Variants in PTPRN2 observed in about 807,000 individuals in gnomAD.
PTPRN2 encodes receptor-type tyrosine-protein phosphatase N2.
In PTPRN2, 74 loss-of-function variants were observed where a neutral mutation model predicts 118.8. That is an observed-to-expected ratio of 0.62 (90% CI 0.52 to 0.76). The LOEUF (loss-of-function observed/expected upper bound fraction) is 0.76. Among genes scored for constraint, PTPRN2 ranks in the 30% least tolerant of loss-of-function variants. PTPRN2 has a pLI of 0.00. For synonymous variants in PTPRN2, 641 were observed against 608.0 expected, an observed-to-expected ratio of 1.05 and a Z score of -0.80; for missense variants, 1,481 against 1,394.4, an observed-to-expected ratio of 1.06 and a Z score of -0.99.
intron 2 of PTPRN2, among the ~76,000 whole-genome samples, chr7:158,445,691 G>C (rs529455721): frequency 3.0e-4 from 45 of 152,368 alleles, no homozygotes; most frequent in African/African-American, 1.0e-3. Context: ...GCTTCCTGCC[G>C]CATCTTGGGG....
chr7:158,184,073 CT>C (rs1209065048), intron 5 of PTPRN2, among the ~76,000 whole-genome samples: 1 of 22,476 alleles, frequency 4.4e-5, no homozygotes, highest in African/African-American at 8.1e-5. Context: ...TGTGGCTTGT[CT>C]TTTCAATCTT....
Position 157,780,795 on chromosome 7 carries a change from A to G in PTPRN2, c.1789-97858T>C, listed in dbSNP as rs923162369. 6.6e-6 allele frequency among the ~76,000 whole-genome samples: 1 copy of G among 152,142 alleles called. No homozygotes were observed. Among genetic ancestry groups the G allele is most frequent in the Non-Finnish European group, 1.5e-5 (1 of 68,018 alleles). On this transcript the variant is annotated intron_variant, in intron 12 of 22. Transcript: ENST00000389418. The surrounding 1 kb of genome is among the most constrained non-coding windows in gnomAD (Gnocchi z 4.5). Reference sequence around the variant, plus strand: ...CGGGCCAAGGTGGACGAGCTCTCCAAACTCGCTTTCTCTGCCTCATCCGTG... The same window carrying G: ...CGGGCCAAGGTGGACGAGCTCTCCAGACTCGCTTTCTCTGCCTCATCCGTG...
At chr7:158,433,354 C>A (rs1816360231) in intron 2 of PTPRN2, among the ~76,000 whole-genome samples, 1 of 152,160 alleles carries the variant, frequency 6.6e-6, no homozygotes, top group South Asian at 2.1e-4. Context: ...ATTCAGCTTC[C>A]ACAGATACGA....
At position 157,676,118 on chromosome 7, in the gene PTPRN2, C is replaced by T. The variant is rs1014108058; in HGVS notation, c.2001+6607G>A. Among the ~76,000 whole-genome samples, 1 of 152,036 alleles carries T rather than the reference C, an allele frequency of 6.6e-6. No homozygotes were observed. The highest frequency in any genetic ancestry group is 2.4e-5 in the African/African-American group (1 of 41,378). On this transcript the variant is annotated intron_variant, in intron 13 of 22. Transcript: ENST00000389418. The surrounding 1 kb of genome is among the most constrained non-coding windows in gnomAD (Gnocchi z 5.6). Reference sequence around the variant, plus strand: ...ACTCAAAGAGCTGACCTCTCTGGGCCGGCACACAACTTGCAGCCGAGTCCT... The same window carrying T: ...ACTCAAAGAGCTGACCTCTCTGGGCTGGCACACAACTTGCAGCCGAGTCCT...
intron 15 of PTPRN2, among the ~76,000 whole-genome samples, chr7:157,613,228 G>A (rs1563262211): frequency 6.6e-6 from 1 of 152,266 alleles, no homozygotes; most frequent in Non-Finnish European, 1.5e-5. Context: ...CGTTTTCTGG[G>A]CTAAGCAGCG....
At chr7:157,957,342 TG>T (rs564884903) in intron 11 of PTPRN2, among the ~76,000 whole-genome samples, 3 of 152,048 alleles carry the variant, frequency 2.0e-5, no homozygotes, top group African/African-American at 7.2e-5. Context: ...TATTAATCCC[TG>T]GGGGGGTGAA....
chr7:158,521,183 AT>A (rs921020229), intron 1 of PTPRN2, among the ~76,000 whole-genome samples: 30 of 152,144 alleles, frequency 2.0e-4, no homozygotes, highest in African/African-American at 6.5e-4. Flanking sequence ...GTTATTTTAT[AT>A]TTTTTTCCCC....
chr7:157,952,434 GA>G (rs1800889105), intron 11 of PTPRN2, among the ~76,000 whole-genome samples: 1 of 108,442 alleles, frequency 9.2e-6, no homozygotes, highest in Non-Finnish European at 2.3e-5. Flanking sequence ...GGAGACAGGC[GA>G]GGGTGGGTAG....
chr7:158,543,298 G>A (rs1826098161), intron 1 of PTPRN2, among the ~76,000 whole-genome samples: 1 of 152,148 alleles, frequency 6.6e-6, no homozygotes, highest in Non-Finnish European at 1.5e-5. Flanking sequence ...AAGGTGGGTG[G>A]GAAGAAGGAA....
At chr7:157,552,190 G>A (rs549349933) in intron 21 of PTPRN2, among the ~76,000 whole-genome samples, 168 of 152,252 alleles carry the variant, frequency 1.1e-3, no homozygotes, top group African/African-American at 3.9e-3. Flanking sequence ...TGCTTGATTG[G>A]CTCTTTAGAA....
At chr7:158,447,378 C>A (rs1396556083) in intron 2 of PTPRN2, among the ~76,000 whole-genome samples, 1 of 151,752 alleles carries the variant, frequency 6.6e-6, no homozygotes, top group African/African-American at 2.4e-5. Flanking sequence ...TTCTTTGGCA[C>A]CAAAAAAAAA....
chr7:157,939,336 G>T (rs957739876), intron 11 of PTPRN2, among the ~76,000 whole-genome samples: 2 of 152,254 alleles, frequency 1.3e-5, no homozygotes, highest in African/African-American at 4.8e-5. Flanking sequence ...GGCCACAGGG[G>T]CTGGTGGCTG....
chr7:158,392,236 G>C (rs1039466773), intron 2 of PTPRN2, among the ~76,000 whole-genome samples: 1 of 152,054 alleles, frequency 6.6e-6, no homozygotes, highest in Non-Finnish European at 1.5e-5. Flanking sequence ...CAAACTCCCC[G>C]AGGAGGAGAG....
chr7:157,940,037 C>T (rs912843987), intron 11 of PTPRN2, among the ~76,000 whole-genome samples: 9 of 152,216 alleles, frequency 5.9e-5, no homozygotes, highest in South Asian at 4.2e-4. Flanking sequence ...TGGAGGAAGG[C>T]GTCGCTGCAT....
Position 157,766,773 on chromosome 7 carries a change from G to T in PTPRN2, c.1789-83836C>A, listed in dbSNP as rs377759181. Among the ~76,000 whole-genome samples the T allele has an allele frequency of 5.0e-4, 76 of 152,348 alleles. 1 individual carries two copies. The South Asian group carries it at 0.015, about 31-fold the overall frequency. On this transcript the variant is annotated intron_variant, in intron 12 of 22. Transcript: ENST00000389418. Reference sequence around the variant, plus strand: ...AGGACAGGACATTGAAATCTCAGAGGCTGGGTGAGACACAGGGCCACTTTG... The same window carrying T: ...AGGACAGGACATTGAAATCTCAGAGTCTGGGTGAGACACAGGGCCACTTTG...
At chr7:157,940,994 TCTCCCCCGTGACACTGCAAATCTAACACC>T in intron 11 of PTPRN2, among the ~76,000 whole-genome samples, 2 of 12,032 alleles carry the variant, frequency 1.7e-4, no homozygotes, top group South Asian at 5.6e-3. Flanking sequence ...AATCTAACAC[TCTCCCCCGTGACACTGCAAATCTAACACC>T]CTCCCCACCA....
chr7:158,024,553 T>A (rs1807128441), intron 11 of PTPRN2, among the ~76,000 whole-genome samples: 1 of 152,202 alleles, frequency 6.6e-6, no homozygotes, highest in African/African-American at 2.4e-5. Flanking sequence ...GCTGCCCACG[T>A]CCTCCACAAG....
chr7:158,244,772 G>A (rs1408856805), intron 3 of PTPRN2, among the ~76,000 whole-genome samples: 1 of 151,892 alleles, frequency 6.6e-6, no homozygotes, highest in African/African-American at 2.4e-5. Flanking sequence ...GAGTATGTGT[G>A]GGTGTGTGTG....
In PTPRN2 at chr7:158,327,470, T is replaced by A. The variant is rs1205359313; in HGVS notation, c.164-10538A>T. On this transcript the variant is annotated intron_variant, in intron 2 of 22. Coordinates refer to ENST00000389418, the MANE Select transcript of PTPRN2 (RefSeq NM_002847.5). ...ACACACCTGCTCACACATGTACACG[T>A]TCTCACACATACATTCTCACATGCA... 3.0e-5 allele frequency among the ~76,000 whole-genome samples: 4 copies of A among 132,360 alleles called. No individual in the cohort carries two copies. In the Admixed American group the frequency reaches 3.1e-4, roughly 10 times the overall value. The allele number at this position is 132,360 out of a possible 152,430, so 86.8% of individuals were successfully genotyped here. A position where few individuals can be genotyped will look rare whatever the true frequency, so the allele number is the denominator to read the frequency against.
Sources: allele counts gnomAD v4.1 joint callset (sites outside exome capture counted in the v4.1 genomes callset), GRCh38; gene constraint gnomAD v4.1.1; non-coding constraint Gnocchi (gnomAD v3.1); transcripts MANE v1.5; gene names NCBI Gene and HGNC (gene_info 2026-07-23, HGNC 2026-07-21).